Variants in CALHM5 observed in about 807,000 individuals in gnomAD.
The protein encoded by CALHM5 is calcium homeostasis modulator protein 5.
CALHM5 carries 17 observed loss-of-function variants against 20.9 expected under a neutral mutation model. The ratio of observed to expected loss-of-function variants is 0.82; its 90% confidence interval spans 0.56 to 1.22. CALHM5 has a LOEUF of 1.22. Ranked by LOEUF, CALHM5 falls within the 50% of genes most tolerant of loss-of-function variation. The probability of loss-of-function intolerance (pLI) is 0.00; values close to 1 mark genes in which losing one functional copy is unlikely to be tolerated. For missense variants in CALHM5, 360 were observed against 364.6 expected, an observed-to-expected ratio of 0.99 and a Z score of 0.10; for synonymous variants, 148 against 140.0, an observed-to-expected ratio of 1.06 and a Z score of -0.40.
In CALHM5 at chr6:116,523,391, A is replaced by G. The variant is rs1772380644; in HGVS notation, c.*7402A>G. The G allele has an allele frequency of 6.6e-6, 1 of 151,992 alleles. No individual in the cohort carries two copies. The highest frequency in any genetic ancestry group is 1.5e-5 in the Non-Finnish European group (1 of 67,990). The allele number at this position is 151,992 out of a possible 1,614,324, so 9.4% of individuals were successfully genotyped here. A position where few individuals can be genotyped will look rare whatever the true frequency, so the allele number is the denominator to read the frequency against. ...CTGTTGTAAATGGTTTCTTTTTTCC[A>G]CTATATCTTTCTAAGTGATTGTTGT... On this transcript the variant is annotated 3_prime_UTR_variant, in exon 2 of 2. Coordinates refer to ENST00000368599, the MANE Select transcript of CALHM5 (RefSeq NM_153711.5).
chr6:116,524,755 T>C lies in CALHM5; in HGVS notation c.*8766T>C, dbSNP rs1772413604. On this transcript the variant is annotated 3_prime_UTR_variant, in exon 2 of 2. Coordinates refer to ENST00000368599, the MANE Select transcript of CALHM5 (RefSeq NM_153711.5). ...TCTTTCATTGTGGAGAATCATTTTC[T>C]TATATTTCAATAAAAAAGTTGGAAA... is the stretch of plus-strand genomic sequence containing the variant. 1.3e-5 allele frequency: 2 copies of C among 152,348 alleles called. No individual in the cohort carries two copies. Among genetic ancestry groups the C allele is most frequent in the South Asian group, 4.1e-4 (2 of 4,830 alleles). 9.4% of individuals were successfully genotyped at this position (152,348 alleles called of 1,614,324 possible). A position where few individuals can be genotyped will look rare whatever the true frequency, so the allele number is the denominator to read the frequency against.
At chr6:116,515,314 T>G (rs1475871432) in intron 1 of CALHM5, among the ~76,000 whole-genome samples, 1 of 152,210 alleles carries the variant, frequency 6.6e-6, no homozygotes, top group Non-Finnish European at 1.5e-5. Flanking sequence ...AAGTCTTATG[T>G]AATCTATACT....
rs1317715848 is a variant in CALHM5, at chr6:116,523,074, T to C, written c.*7085T>C. ...GCATTTCTAACAGGTTCTCAGGTGA[T>C]ACTGATGCTGCTGGTCTAGGGACTA... is the stretch of plus-strand genomic sequence containing the variant. On this transcript the variant is annotated 3_prime_UTR_variant, in exon 2 of 2. Transcript: ENST00000368599. 1 of 151,988 alleles carries C rather than the reference T, an allele frequency of 6.6e-6. No homozygotes were observed. Among genetic ancestry groups the C allele is most frequent in the Non-Finnish European group, 1.5e-5 (1 of 68,052 alleles). 9.4% of individuals were successfully genotyped at this position (151,988 alleles called of 1,614,324 possible).
intron 1 of CALHM5, among the ~76,000 whole-genome samples, chr6:116,514,304 A>C (rs1272395998): frequency 2.0e-5 from 3 of 152,176 alleles, no homozygotes; most frequent in Non-Finnish European, 2.9e-5. Flanking sequence ...CTGTGGAAAA[A>C]GAGGAAGACA....
Position 116,515,794 on chromosome 6 carries a change from T to G in CALHM5, c.735T>G (p.Phe245Leu), listed in dbSNP as rs1360327056. The change falls in exon 2 of 2, where the codon TTT becomes TTG. Residue 245 changes from phenylalanine to leucine, a missense_variant. Coordinates refer to ENST00000368599, the MANE Select transcript of CALHM5 (RefSeq NM_153711.5). ...TGAGCGAGAGGAACCTGAAATGTTT[T>G]TTTGAAAACAAGAGGCCAGATCCTT... ...NKLSERNLKC[F>L]FENKRPDPFP... The G allele has an allele frequency of 6.2e-7, 1 of 1,613,994 alleles. No individual in the cohort carries two copies. The highest frequency in any genetic ancestry group is 8.5e-7 in the Non-Finnish European group (1 of 1,179,924).
Position 116,521,502 on chromosome 6 carries a change from C to T in CALHM5, c.*5513C>T, listed in dbSNP as rs1006701985. On this transcript the variant is annotated 3_prime_UTR_variant, in exon 2 of 2. Coordinates refer to ENST00000368599, the MANE Select transcript of CALHM5 (RefSeq NM_153711.5). ...CAGAGAAAAGATTGGTGACCCAACTCGAGTGGAGAGAGAGGGAGAGAGAGA... is the reference window on the plus strand; with the variant it reads ...CAGAGAAAAGATTGGTGACCCAACTTGAGTGGAGAGAGAGGGAGAGAGAGA... 2.1e-5 allele frequency: 3 copies of T among 143,732 alleles called. No individual in the cohort carries two copies. The highest frequency in any genetic ancestry group is 2.3e-4 in the South Asian group (1 of 4,442). 8.9% of individuals were successfully genotyped at this position (143,732 alleles called of 1,614,324 possible). A position where few individuals can be genotyped will look rare whatever the true frequency, so the allele number is the denominator to read the frequency against.
Position 116,515,782 on chromosome 6 carries a change from C to T in CALHM5, c.723C>T (p.Asn241=), listed in dbSNP as rs202108807. Residue 241 remains asparagine, a synonymous_variant, in exon 2 of 2, where the codon AAC becomes AAT. Coordinates refer to ENST00000368599, the MANE Select transcript of CALHM5 (RefSeq NM_153711.5). ...ATGCCAACAAGCTGAGCGAGAGGAA[C>T]CTGAAATGTTTTTTTGAAAACAAGA... is the stretch of plus-strand genomic sequence containing the variant. ...LDYANKLSER[N]LKCFFENKRP... is the part of the protein sequence containing the mutation. 1.2e-6 allele frequency: 2 copies of T among 1,613,988 alleles called. No homozygotes were observed. The highest frequency in any genetic ancestry group is 2.2e-5 in the East Asian group (1 of 44,876).
intron 1 of CALHM5, among the ~76,000 whole-genome samples, chr6:116,514,325 G>C (rs1306818696): frequency 6.6e-6 from 1 of 152,196 alleles, no homozygotes; most frequent in Non-Finnish European, 1.5e-5. Flanking sequence ...GACGATGAAG[G>C]AAGGAGGAAC....
intron 1 of CALHM5, among the ~76,000 whole-genome samples, chr6:116,512,638 CAT>C (rs1772147285): frequency 6.6e-6 from 1 of 152,194 alleles, no homozygotes; most frequent in African/African-American, 2.4e-5. Flanking sequence ...CAAACACACA[CAT>C]GTATTATTCA....
chr6:116,515,774 G>T lies in CALHM5; in HGVS notation c.715G>T (p.Glu239Ter), dbSNP rs756870417. 6.2e-7 allele frequency: 1 copy of T among 1,613,888 alleles called. No individual in the cohort carries two copies. Among genetic ancestry groups the T allele is most frequent in the South Asian group, 1.1e-5 (1 of 91,082 alleles). The change falls in exon 2 of 2, where the codon GAG becomes TAG. Residue 239 changes from glutamate to a stop codon, truncating the protein, a stop_gained. Transcript: ENST00000368599. LOFTEE classifies it high-confidence loss of function. ...TFLDYANKLSERNLKCFFENK... is the reference protein window; with the variant it reads ...TFLDYANKLS ...TCTGGACTATGCCAACAAGCTGAGC[G>T]AGAGGAACCTGAAATGTTTTTTTGA...
rs886728789 is a variant in CALHM5, at chr6:116,524,253, C to T, written c.*8264C>T. 1 of 152,092 alleles carries T rather than the reference C, an allele frequency of 6.6e-6. No individual in the cohort carries two copies. Among genetic ancestry groups the T allele is most frequent in the East Asian group, 1.9e-4 (1 of 5,198 alleles). 9.4% of individuals were successfully genotyped at this position (152,092 alleles called of 1,614,324 possible). ...CTATTGAAGCTGGATGGTAGGTACA[C>T]GGAATTCATTACATTATTCTCTTTA... On this transcript the variant is annotated 3_prime_UTR_variant, in exon 2 of 2. Coordinates refer to ENST00000368599, the MANE Select transcript of CALHM5 (RefSeq NM_153711.5).
intron 1 of CALHM5, among the ~76,000 whole-genome samples, chr6:116,513,446 C>T (rs1772163724): frequency 6.6e-6 from 1 of 152,144 alleles, no homozygotes; most frequent in Admixed American, 6.6e-5. Context: ...GGTGTATGTC[C>T]TCAGTCACCA....
rs928988915 is a variant in CALHM5, at chr6:116,522,524, T to C, written c.*6535T>C. 2 of 152,228 alleles carry C rather than the reference T, an allele frequency of 1.3e-5. No individual in the cohort carries two copies. Among genetic ancestry groups the C allele is most frequent in the African/African-American group, 4.8e-5 (2 of 41,458 alleles). 9.4% of individuals were successfully genotyped at this position (152,228 alleles called of 1,614,324 possible). On this transcript the variant is annotated 3_prime_UTR_variant, in exon 2 of 2. Coordinates refer to ENST00000368599, the MANE Select transcript of CALHM5 (RefSeq NM_153711.5). Reference sequence around the variant, plus strand: ...TTTTTCTTTAGGTTCCAGTTAGCAGTATAGCATCTACAGCATGATTTGATA... The same window carrying C: ...TTTTTCTTTAGGTTCCAGTTAGCAGCATAGCATCTACAGCATGATTTGATA...
chr6:116,515,844 G>C lies in CALHM5; in HGVS notation c.785G>C (p.Trp262Ser). 6.2e-7 allele frequency: 1 copy of C among 1,613,958 alleles called. No homozygotes were observed. The highest frequency in any genetic ancestry group is 8.5e-7 in the Non-Finnish European group (1 of 1,179,938). ...TTTCCCATGCCTACGTTTGCTGCCT[G>C]GGAGGCTGCTTCAGAGCTGCATTCT... ...DPFPMPTFAA[W>S]EAASELHSFH... Residue 262 changes from tryptophan to serine, a missense_variant, in exon 2 of 2, where the codon TGG becomes TCG. Trp to Ser is a radical substitution (Grantham distance 177). Transcript: ENST00000368599.
Position 116,516,177 on chromosome 6 carries a change from G to T in CALHM5, c.*188G>T. The T allele has an allele frequency of 1.5e-6, 1 of 678,310 alleles. No individual in the cohort carries two copies. The highest frequency in any genetic ancestry group is 2.2e-6 in the Non-Finnish European group (1 of 455,164). The allele number at this position is 678,310 out of a possible 1,614,324, so 42.0% of individuals were successfully genotyped here. On this transcript the variant is annotated 3_prime_UTR_variant, in exon 2 of 2. Coordinates refer to ENST00000368599, the MANE Select transcript of CALHM5 (RefSeq NM_153711.5). ...ATCAGGATGTGCTCAAATTGATGCT[G>T]AGGGGTGACAAAGGTGCTCTTGCAT...
At chr6:116,515,569 C>T (rs41289934) in intron 1 of CALHM5, 31 bp from the exon 2 acceptor site, 99,747 of 1,573,878 alleles carry the variant, frequency 0.063, 3,459 homozygotes, top group Non-Finnish European at 0.071. Flanking sequence ...TTTGCTTTCA[C>T]GTGTGTACTC....
rs974745546 is a variant in CALHM5, at chr6:116,524,435, T to C, written c.*8446T>C. The C allele has an allele frequency of 6.6e-6, 1 of 151,108 alleles. No homozygotes were observed. The highest frequency in any genetic ancestry group is 1.5e-5 in the Non-Finnish European group (1 of 67,112). The allele number at this position is 151,108 out of a possible 1,614,324, so 9.4% of individuals were successfully genotyped here. ...GCAAAGGCTCACAGGAATGCTATTCTCTGAATTCTTACATATTCAGCCTGT... is the reference window on the plus strand; with the variant it reads ...GCAAAGGCTCACAGGAATGCTATTCCCTGAATTCTTACATATTCAGCCTGT... On this transcript the variant is annotated 3_prime_UTR_variant, in exon 2 of 2. Coordinates refer to ENST00000368599, the MANE Select transcript of CALHM5 (RefSeq NM_153711.5).
intron 1 of CALHM5, 150 bp from the exon 2 acceptor site, chr6:116,515,450 T>G: frequency 1.1e-6 from 1 of 888,122 alleles, no homozygotes; most frequent in Non-Finnish European, 1.7e-6. Flanking sequence ...AAAAAGTGAG[T>G]TTAAAGTGTT....
chr6:116,515,779 G>A lies in CALHM5; in HGVS notation c.720G>A (p.Arg240=). The stretch of plus-strand genomic sequence containing the variant: ...ACTATGCCAACAAGCTGAGCGAGAG[G>A]AACCTGAAATGTTTTTTTGAAAACA... ...FLDYANKLSE[R]NLKCFFENKR... The change falls in exon 2 of 2, where the codon AGG becomes AGA. Residue 240 remains arginine, a synonymous_variant. Transcript: ENST00000368599. 1 of 1,614,006 alleles carries A rather than the reference G, an allele frequency of 6.2e-7. No homozygotes were observed. The highest frequency in any genetic ancestry group is 8.5e-7 in the Non-Finnish European group (1 of 1,179,936).
Sources: gnomAD v4.1 joint callset for allele counts (sites outside exome capture counted in the v4.1 genomes callset) on GRCh38, gnomAD v4.1.1 for gene constraint, MANE v1.5 for transcripts, NCBI Gene and HGNC (gene_info 2026-07-23, HGNC 2026-07-21) for gene names.